The following OSBPL6 variants were observed in gnomAD, a reference collection of about 807,000 sequenced individuals.
OSBPL6 encodes the protein oxysterol binding protein like 6.
A neutral mutation model predicts 125.8 loss-of-function variants in OSBPL6; 49 were observed. The ratio of observed to expected loss-of-function variants is 0.39; its 90% CI spans 0.31 to 0.49. The LOEUF (loss-of-function observed/expected upper bound fraction) is 0.49. Ranked by LOEUF, OSBPL6 falls within the 20% of genes least tolerant of loss-of-function variation. The pLI is 0.88. For synonymous variants in OSBPL6, 394 were observed against 391.8 expected, an observed-to-expected ratio of 1.01 and a Z score of -0.07; for missense variants, 986 against 1,135.4, an observed-to-expected ratio of 0.87 and a Z score of 1.89.
intron 2 of OSBPL6, among the ~76,000 whole-genome samples, chr2:178,296,879 C>G (rs940150525): frequency 6.6e-6 from 1 of 152,172 alleles, no homozygotes. Context: ...ATGCCCAACA[C>G]GAGTAGAATT....
chr2:178,375,453 G>A lies in OSBPL6; in HGVS notation c.1533+1426G>A, dbSNP rs368137570. ...TGTTTTTGTTTTGAGACAGAGTTTC[G>A]CTCTTGTTGCCCGGGCTGGAGGGCA... On this transcript the variant is annotated intron_variant, in intron 15 of 24. Coordinates refer to ENST00000190611, the MANE Select transcript of OSBPL6 (RefSeq NM_032523.4). 1.3e-4 allele frequency among the ~76,000 whole-genome samples: 20 copies of A among 152,086 alleles called. No individual in the cohort carries two copies. In the East Asian group the frequency reaches 1.7e-3, roughly 13 times the overall value.
At chr2:178,374,060 C>A in intron 15 of OSBPL6, 33 bp downstream of exon 15, 1 of 1,601,130 alleles carries the variant, frequency 6.2e-7, no homozygotes, top group Non-Finnish European at 8.5e-7. Flanking sequence ...TTGGCCTCAA[C>A]ATCTTGTGAC....
intron 1 of OSBPL6, among the ~76,000 whole-genome samples, chr2:178,257,981 G>C (rs949455601): frequency 1.3e-5 from 2 of 152,036 alleles, no homozygotes; most frequent in Non-Finnish European, 2.9e-5. Context: ...TGTAGAAACA[G>C]GGTCTACCTA....
At chr2:178,221,672 G>T (rs2090346314) in intron 1 of OSBPL6, among the ~76,000 whole-genome samples, 1 of 152,226 alleles carries the variant, frequency 6.6e-6, no homozygotes, top group Non-Finnish European at 1.5e-5. Context: ...TTACAGAGAT[G>T]AGGATTGACT....
chr2:178,309,391 T>C (rs756793971), intron 3 of OSBPL6, among the ~76,000 whole-genome samples: 1 of 152,190 alleles, frequency 6.6e-6, no homozygotes, highest in Admixed American at 6.5e-5. Context: ...TTTAAAGACC[T>C]GCAACAACAT....
At chr2:178,329,965 G>A (rs933169968) in intron 5 of OSBPL6, among the ~76,000 whole-genome samples, 6 of 152,080 alleles carry the variant, frequency 3.9e-5, no homozygotes, top group African/African-American at 7.2e-5. Flanking sequence ...ATGTTGCCCC[G>A]GTGCCCTGTC....
At chr2:178,229,124 C>T (rs1027288003) in intron 1 of OSBPL6, among the ~76,000 whole-genome samples, 2 of 152,100 alleles carry the variant, frequency 1.3e-5, no homozygotes, top group African/African-American at 4.8e-5. Context: ...GGGGTGGCCC[C>T]GCCTTATAAC....
chr2:178,265,191 CTTTTTTT>C (rs376718500), intron 1 of OSBPL6, among the ~76,000 whole-genome samples: 23 of 33,720 alleles, frequency 6.8e-4, no homozygotes, highest in East Asian at 2.9e-3. Flanking sequence ...CCAGACGAGA[CTTTTTTT>C]TTTTTTTTTT....
intron 23 of OSBPL6, 90 bp downstream of exon 23, chr2:178,392,628 G>T: frequency 6.7e-7 from 1 of 1,490,774 alleles, no homozygotes; most frequent in South Asian, 1.3e-5. Context: ...GGCTGAGGAG[G>T]GAAGATCACT....
chr2:178,344,145 G>C, intron 11 of OSBPL6: 1 of 650,292 alleles, frequency 1.5e-6, no homozygotes, highest in South Asian at 1.9e-5. Flanking sequence ...CCCTGTGAGC[G>C]CTTTTCGATG....
Position 178,345,063 on chromosome 2 carries a change from T to C in OSBPL6, c.988-4161T>C, listed in dbSNP as rs75467231. Among the ~76,000 whole-genome samples the C allele has an allele frequency of 1.3e-3, 200 of 152,264 alleles. 1 individual carries two copies. Among genetic ancestry groups the C allele is most frequent in the African/African-American group, 4.4e-3 (184 of 41,556 alleles). On this transcript the variant is annotated intron_variant, in intron 11 of 24. Transcript: ENST00000190611. ...CGAGGTAGATAAGGCAAATGGATAG[T>C]GAGTGACTTGTCTACAGAATATAAA...
chr2:178,331,670 T>G (rs1051973373), intron 6 of OSBPL6, 65 bp downstream of exon 6: 1 of 1,519,928 alleles, frequency 6.6e-7, no homozygotes, highest in East Asian at 2.3e-5. Flanking sequence ...GAGTAAACAC[T>G]GTAATTGTAC....
intron 2 of OSBPL6, among the ~76,000 whole-genome samples, chr2:178,305,743 G>C (rs994354388): frequency 6.6e-6 from 1 of 152,182 alleles, no homozygotes; most frequent in South Asian, 2.1e-4. Context: ...TAGCATCAGG[G>C]TCTCAAATAT....
intron 12 of OSBPL6, among the ~76,000 whole-genome samples, chr2:178,354,034 G>C (rs1318306397): frequency 6.6e-6 from 1 of 152,182 alleles, no homozygotes; most frequent in Non-Finnish European, 1.5e-5. Context: ...ACAAGCAAAT[G>C]CTGGGAGATT....
intron 1 of OSBPL6, among the ~76,000 whole-genome samples, chr2:178,205,989 T>C (rs1199719384): frequency 6.6e-6 from 1 of 152,238 alleles, no homozygotes; most frequent in Non-Finnish European, 1.5e-5. Context: ...TGTTAAAATC[T>C]AGTCACAGTT....
intron 15 of OSBPL6, among the ~76,000 whole-genome samples, chr2:178,376,275 A>C (rs529974243): frequency 6.6e-6 from 1 of 152,246 alleles, no homozygotes. Flanking sequence ...GAGAAACCCC[A>C]GCCTGCCCAT....
At chr2:178,199,776 A>T (rs2089140576) in intron 1 of OSBPL6, among the ~76,000 whole-genome samples, 1 of 152,142 alleles carries the variant, frequency 6.6e-6, no homozygotes, top group African/African-American at 2.4e-5. Context: ...TACACTGTAC[A>T]TTGTTTGCCG....
In OSBPL6 at chr2:178,347,827, C is replaced by G. The variant is rs185436138; in HGVS notation, c.988-1397C>G. The stretch of plus-strand genomic sequence containing the variant: ...TCTCCAAAGAAGATGAGGTAGGGTT[C>G]CTTTGATAACTCCAGATACCAAATG... On this transcript the variant is annotated intron_variant, in intron 11 of 24. Coordinates refer to ENST00000190611, the MANE Select transcript of OSBPL6 (RefSeq NM_032523.4). Among the ~76,000 whole-genome samples the G allele has an allele frequency of 2.0e-5, 3 of 152,262 alleles. No individual in the cohort carries two copies. The East Asian group carries it at 5.8e-4, about 29-fold the overall frequency.
At position 178,324,238 on chromosome 2, in the gene OSBPL6, TG is replaced by T; in HGVS notation, c.165del (p.Leu55PhefsTer2). On this transcript the variant is annotated frameshift_variant, in exon 4 of 25. Coordinates refer to ENST00000190611, the MANE Select transcript of OSBPL6 (RefSeq NM_032523.4). LOFTEE classifies it high-confidence loss of function. ...ACCGAGCCCTCTGTAAGTCGGCAATTGCTAGAACCGGAGCCAGTCCCCCTCT... is the reference window on the plus strand; with the variant it reads ...ACCGAGCCCTCTGTAAGTCGGCAATTCTAGAACCGGAGCCAGTCCCCCTCT... ...SSTEPSVSRQ[L>X]LEPEPVPLSK... 6.3e-7 allele frequency: 1 copy of T among 1,579,676 alleles called. No homozygotes were observed. Among genetic ancestry groups the T allele is most frequent in the Non-Finnish European group, 8.6e-7 (1 of 1,156,970 alleles).
Sources: allele counts gnomAD v4.1 joint callset (sites outside exome capture counted in the v4.1 genomes callset), GRCh38; gene constraint gnomAD v4.1.1; transcripts MANE v1.5; gene names NCBI Gene and HGNC (gene_info 2026-07-23, HGNC 2026-07-21).